Variants in GLRA2 observed in about 807,000 individuals in gnomAD.
The protein encoded by GLRA2 is glycine receptor alpha 2, also known as glycine receptor subunit alpha-2.
GLRA2 carries 11 observed loss-of-function variants against 31.6 expected under a neutral mutation model. The ratio of observed to expected loss-of-function variants is 0.35; its 90% CI spans 0.22 to 0.58. The LOEUF is 0.58. GLRA2 is among the 20% of genes least tolerant of loss of function. The probability of loss-of-function intolerance (pLI) is 0.84; values close to 1 mark genes in which losing one functional copy is unlikely to be tolerated. For synonymous variants in GLRA2, 132 were observed against 134.0 expected, an observed-to-expected ratio of 0.99 and a Z score of 0.10; for missense variants, 212 against 351.8, an observed-to-expected ratio of 0.60 and a Z score of 3.18.
At chrX:14,636,326 A>G (rs931724417) in intron 7 of GLRA2, among the ~76,000 whole-genome samples, 1 of 111,408 alleles carries the variant, frequency 9.0e-6, no homozygotes, top group Non-Finnish European at 1.9e-5. Context: ...AAACCTGACA[A>G]ATACGACCTT....
At chrX:14,708,665 G>A (rs375776365) in intron 8 of GLRA2, among the ~76,000 whole-genome samples, 3 of 111,748 alleles carry the variant, frequency 2.7e-5, no homozygotes, top group East Asian at 2.8e-4. Flanking sequence ...GGCCAGGCGC[G>A]GTGGCTCACG....
At chrX:14,571,317 C>G (rs1188405971) in intron 2 of GLRA2, among the ~76,000 whole-genome samples, 4 of 111,838 alleles carry the variant, frequency 3.6e-5, no homozygotes, top group African/African-American at 1.3e-4. Flanking sequence ...AATCAGAACA[C>G]CTGAGCAGAC....
chrX:14,689,378 C>T (rs2091318212), intron 7 of GLRA2, among the ~76,000 whole-genome samples: 1 of 112,297 alleles, frequency 8.9e-6, no homozygotes, highest in African/African-American at 3.2e-5. Flanking sequence ...ATTAGGCAAG[C>T]ATTAGAAATT....
chrX:14,467,266 C>T, the GLRA2 span, among the ~76,000 whole-genome samples: 2 of 111,792 alleles, frequency 1.8e-5, no homozygotes, highest in African/African-American at 3.2e-5. Context: ...TGTAACATAT[C>T]CCAGGTCAAT....
At chrX:14,682,011 G>A (rs768960464) in intron 7 of GLRA2, among the ~76,000 whole-genome samples, 82 of 97,877 alleles carry the variant, frequency 8.4e-4, no homozygotes, top group African/African-American at 2.5e-3. Flanking sequence ...GTGTGTGTGT[G>A]TATATATATA....
At chrX:14,681,915 A>ATATATATATATATATATG (rs1569521066) in intron 7 of GLRA2, among the ~76,000 whole-genome samples, 1 of 81,749 alleles carries the variant, frequency 1.2e-5, no homozygotes, top group African/African-American at 4.4e-5. Context: ...AAAAAAATAT[A>ATATATATATATATATATG]TATATATATA....
At chrX:14,491,246 AGTTCAAAAATAG>A in the GLRA2 span, among the ~76,000 whole-genome samples, 1 of 111,921 alleles carries the variant, frequency 8.9e-6, no homozygotes, top group Non-Finnish European at 1.9e-5. Flanking sequence ...GCTGTAAAAT[AGTTCAAAAATAG>A]GATCATATTT....
At chrX:14,463,240 T>A in the GLRA2 span, among the ~76,000 whole-genome samples, 4 of 111,214 alleles carry the variant, frequency 3.6e-5, no homozygotes, top group African/African-American at 1.3e-4. Context: ...CAAAGGGGCA[T>A]CTGCCTGTAT....
chrX:14,628,502 A>G (rs2090611765), intron 7 of GLRA2, among the ~76,000 whole-genome samples: 1 of 111,768 alleles, frequency 8.9e-6, no homozygotes, highest in Admixed American at 9.5e-5. Context: ...TGTAGAGACA[A>G]ATATTAAGCA....
chrX:14,675,230 G>C (rs1463241682), intron 7 of GLRA2, among the ~76,000 whole-genome samples: 1 of 111,266 alleles, frequency 9.0e-6, no homozygotes, highest in African/African-American at 3.3e-5. Context: ...TGTCCCTATG[G>C]TGCCTCTAAC....
intron 8 of GLRA2, among the ~76,000 whole-genome samples, chrX:14,700,179 C>A (rs1041924106): frequency 1.8e-5 from 2 of 111,496 alleles, no homozygotes; most frequent in Non-Finnish European, 3.8e-5. Context: ...GGAGAGAGGA[C>A]TGGGTTGGAC....
At chrX:14,647,009 C>T (rs145542925) in intron 7 of GLRA2, among the ~76,000 whole-genome samples, 54 of 111,640 alleles carry the variant, frequency 4.8e-4, no homozygotes, top group Non-Finnish European at 7.2e-4. Context: ...GTCAACATTC[C>T]GCCTTCATAT....
At chrX:14,502,574 C>T in the GLRA2 span, among the ~76,000 whole-genome samples, 1 of 111,494 alleles carries the variant, frequency 9.0e-6, no homozygotes, top group East Asian at 2.8e-4. Flanking sequence ...CGAACCATTG[C>T]TCCTAGTAGA....
At chrX:14,606,218 T>C (rs1243526524) in intron 5 of GLRA2, among the ~76,000 whole-genome samples, 1 of 108,151 alleles carries the variant, frequency 9.2e-6, no homozygotes, top group Non-Finnish European at 1.9e-5. Context: ...TAATATCCTC[T>C]GTCCTCATCA....
intron 2 of GLRA2, among the ~76,000 whole-genome samples, chrX:14,565,787 C>T (rs1428657836): frequency 9.0e-6 from 1 of 111,046 alleles, no homozygotes; most frequent in Non-Finnish European, 1.9e-5. Context: ...TGAATGAAAA[C>T]AAAAACACAA....
chrX:14,659,340 C>T (rs955329663), intron 7 of GLRA2, among the ~76,000 whole-genome samples: 1 of 111,696 alleles, frequency 9.0e-6, no homozygotes, highest in African/African-American at 3.3e-5. Flanking sequence ...CAGAAACAGG[C>T]CAATTCACCA....
At chrX:14,657,334 G>A (rs1399204619) in intron 7 of GLRA2, among the ~76,000 whole-genome samples, 2 of 112,113 alleles carry the variant, frequency 1.8e-5, no homozygotes, top group Non-Finnish European at 3.8e-5. Flanking sequence ...GGATCAGCAG[G>A]ATCGTGAGAC....
At chrX:14,580,376 T>A (rs1306382550) in intron 3 of GLRA2, among the ~76,000 whole-genome samples, 3 of 111,387 alleles carry the variant, frequency 2.7e-5, no homozygotes, top group African/African-American at 3.3e-5. Flanking sequence ...TCAATCGGAG[T>A]CCAGATTATC....
the GLRA2 span, among the ~76,000 whole-genome samples, chrX:14,475,160 A>G: frequency 8.9e-6 from 1 of 112,336 alleles, no homozygotes; most frequent in Non-Finnish European, 1.9e-5. Flanking sequence ...GACTGATTGC[A>G]CCAATATATG....
Sources: allele counts gnomAD v4.1 joint callset (sites outside exome capture counted in the v4.1 genomes callset), GRCh38; gene constraint gnomAD v4.1.1; transcripts MANE v1.5; gene names NCBI Gene and HGNC (gene_info 2026-07-23, HGNC 2026-07-21).